The following BAZ2A variants were observed in gnomAD, a reference collection of about 807,000 sequenced individuals.
The protein encoded by BAZ2A is bromodomain adjacent to zinc finger domain protein 2A.
In BAZ2A, 34 loss-of-function variants were observed where a neutral mutation model predicts 199.9. That is an observed-to-expected ratio of 0.17 (90% CI 0.13 to 0.23). The LOEUF (loss-of-function observed/expected upper bound fraction) is 0.23. BAZ2A is among the 10% of genes least tolerant of loss of function. The pLI, the probability that BAZ2A is intolerant of heterozygous loss-of-function variation, is 1.00. For missense variants in BAZ2A, 2,002 were observed against 2,391.1 expected (o/e 0.84, Z 3.39); for synonymous variants, 857 against 883.9 (o/e 0.97, Z 0.54).
chr12:56,620,847 C>T (rs963750938), intron 1 of BAZ2A, among the ~76,000 whole-genome samples: 3 of 152,162 alleles, frequency 2.0e-5, no homozygotes, highest in African/African-American at 7.2e-5. Context: ...AGCCATGAGC[C>T]ACTGCGCCCA....
At chr12:56,613,929 A>C in intron 4 of BAZ2A, 24 bp downstream of exon 4, 1 of 1,605,478 alleles carries the variant, frequency 6.2e-7, no homozygotes, top group Non-Finnish European at 8.5e-7. Flanking sequence ...GGATAAGTTA[A>C]AGGGACATAG....
upstream of BAZ2A, chr12:56,630,364 G>A: frequency 1.3e-6 from 1 of 781,636 alleles, no homozygotes; most frequent in Non-Finnish European, 1.6e-6. Context: ...CCTCGGCCGG[G>A]AGAGAGTCTC....
At chr12:56,625,568 G>A (rs1002114072) in intron 1 of BAZ2A, among the ~76,000 whole-genome samples, 1 of 152,040 alleles carries the variant, frequency 6.6e-6, no homozygotes, top group African/African-American at 2.4e-5. Flanking sequence ...AACCTCAAAA[G>A]ACTAAAAGTA....
intron 17 of BAZ2A, 50 bp from the exon 18 acceptor site, chr12:56,603,468 G>C: frequency 6.2e-7 from 1 of 1,613,864 alleles, no homozygotes; most frequent in Non-Finnish European, 8.5e-7. Flanking sequence ...TCAGATTCAA[G>C]AAAGAGGAAT....
At chr12:56,638,188 A>G, upstream of BAZ2A, 1 of 706,176 alleles carries the variant, frequency 1.4e-6, no homozygotes, top group Non-Finnish European at 2.4e-6. Flanking sequence ...TGAGGGGTGT[A>G]CATTTTATTG....
intron 14 of BAZ2A, 103 bp downstream of exon 14, chr12:56,604,970 G>T: frequency 6.9e-7 from 1 of 1,447,390 alleles, no homozygotes. Flanking sequence ...AAGGAGAGGA[G>T]TCAGGAAGAA....
intron 1 of BAZ2A, among the ~76,000 whole-genome samples, chr12:56,618,505 T>A (rs912919120): frequency 2.6e-5 from 4 of 152,088 alleles, no homozygotes; most frequent in Non-Finnish European, 5.9e-5. Flanking sequence ...AACTCTAACA[T>A]ATCAATCGGA....
At chr12:56,616,433 T>C (rs539134340) in intron 2 of BAZ2A, among the ~76,000 whole-genome samples, 11 of 152,240 alleles carry the variant, frequency 7.2e-5, no homozygotes, top group African/African-American at 2.6e-4. Flanking sequence ...AGAATAGAAT[T>C]TGCAGTCACC....
intron 1 of BAZ2A, among the ~76,000 whole-genome samples, chr12:56,629,045 A>C (rs1325194883): frequency 6.6e-6 from 1 of 152,092 alleles, no homozygotes; most frequent in Admixed American, 6.5e-5. Flanking sequence ...AAAAAGTCCA[A>C]CGAAAGGTCT....
Position 56,602,127 on chromosome 12 carries a change from G to A in BAZ2A, c.3490C>T (p.Pro1164Ser), listed in dbSNP as rs760639643. 1.1e-5 allele frequency: 18 copies of A among 1,593,872 alleles called. No individual in the cohort carries two copies. The highest frequency in any genetic ancestry group is 1.3e-5 in the Non-Finnish European group (15 of 1,170,002). Residue 1164 changes from proline (P) to serine (S), a missense_variant, in exon 20 of 29, where the codon CCT becomes TCT. This residue lies in a region of BAZ2A where 1,081 missense variants were observed against 1,274.7 expected (regional missense o/e 0.85). Transcript: ENST00000549884. ...LKVAAHASLN[P>S]ALFSMKMELA... The stretch of plus-strand genomic sequence containing the variant: ...TCCATCTTCATAGAGAAGAGGGCAG[G>A]GTTGAGTGACGCATGGGCTGCCACT...
chr12:56,601,412 A>C lies in BAZ2A; in HGVS notation c.4072-10T>G. ...CACTAGGTCTATTCATCTGTGAATAAAATGAGACATAAGGAAATGAGGATG... is the reference window on the plus strand; with the variant it reads ...CACTAGGTCTATTCATCTGTGAATACAATGAGACATAAGGAAATGAGGATG... On this transcript the variant is annotated splice_polypyrimidine_tract_variant and intron_variant, in intron 20 of 28. Coordinates refer to ENST00000549884, the MANE Select transcript of BAZ2A (RefSeq NM_001300905.2). 6.2e-7 allele frequency: 1 copy of C among 1,610,488 alleles called. No homozygotes were observed. The highest frequency in any genetic ancestry group is 8.5e-7 in the Non-Finnish European group (1 of 1,178,130).
Position 56,602,773 on chromosome 12 carries a change from G to C in BAZ2A, c.3364C>G (p.Arg1122Gly), listed in dbSNP as rs939618170. The C allele has an allele frequency of 6.2e-7, 1 of 1,613,798 alleles. No homozygotes were observed. Among genetic ancestry groups the C allele is most frequent in the African/African-American group, 1.3e-5 (1 of 74,924 alleles). The stretch of plus-strand genomic sequence containing the variant: ...GCCAAATACGGCAATACCCAGTAGC[G>C]ACGTCTGTAGCGGTCCTGACCCAGG... ...VSLGQDRYRR[R>G]YWVLPYLAGI... The change falls in exon 19 of 29, where the codon CGC (arginine) becomes GGC (glycine). Residue 1122 changes from arginine to glycine, a missense_variant. Arg to Gly is a moderately radical substitution (Grantham distance 125, BLOSUM62 -2). Coordinates refer to ENST00000549884, the MANE Select transcript of BAZ2A (RefSeq NM_001300905.2).
chr12:56,636,174 A>G (rs1951445667), intron 1 of BAZ2A: 2 of 1,593,970 alleles, frequency 1.3e-6, no homozygotes, highest in Non-Finnish European at 1.7e-6. Flanking sequence ...GCTGGTCCCC[A>G]TACTCACCCA....
At chr12:56,612,868 C>A (rs368796299) in intron 5 of BAZ2A, 147 bp downstream of exon 5, 3 of 869,370 alleles carry the variant, frequency 3.5e-6, no homozygotes, top group African/African-American at 1.7e-5. Flanking sequence ...GTGATCCACC[C>A]GCCTCGGCCT....
At chr12:56,638,256 T>C, upstream of BAZ2A, 1 of 1,354,720 alleles carries the variant, frequency 7.4e-7, no homozygotes, top group Non-Finnish European at 1.0e-6. Flanking sequence ...TTGTGCAGCC[T>C]ACACAGAAAA....
At chr12:56,624,877 A>G (rs1026467503) in intron 1 of BAZ2A, among the ~76,000 whole-genome samples, 3 of 152,186 alleles carry the variant, frequency 2.0e-5, no homozygotes, top group African/African-American at 7.2e-5. Flanking sequence ...GGCTATGATC[A>G]CACCACCGTT....
intron 12 of BAZ2A, 67 bp from the exon 13 acceptor site, chr12:56,606,130 G>A: frequency 4.5e-6 from 7 of 1,557,496 alleles, no homozygotes; most frequent in Non-Finnish European, 6.1e-6. Flanking sequence ...CCTGGTCCCA[G>A]TCCTCCCAAC....
Position 56,609,814 on chromosome 12 carries a change from C to A in BAZ2A, c.2014G>T (p.Gly672Cys). 1 of 1,613,890 alleles carries A rather than the reference C, an allele frequency of 6.2e-7. No homozygotes were observed. Among genetic ancestry groups the A allele is most frequent in the Non-Finnish European group, 8.5e-7 (1 of 1,179,858 alleles). Residue 672 changes from glycine to cysteine, a missense_variant, in exon 10 of 29, where the codon GGT becomes TGT. Around this residue, in one of 6 missense-constraint regions of BAZ2A, gnomAD observed 1,081 missense variants for 1,274.7 expected, o/e 0.85. Coordinates refer to ENST00000549884, the MANE Select transcript of BAZ2A (RefSeq NM_001300905.2). ...KEVPKVKRGR[G>C]RPPKVKITEL... ...GTGATTTTGACCTTAGGTGGCCGAC[C>A]TCGACCCCGTTTCACCTTGGGGACT...
chr12:56,623,425 A>C (rs1375901328), intron 1 of BAZ2A, among the ~76,000 whole-genome samples: 2 of 152,178 alleles, frequency 1.3e-5, no homozygotes, highest in African/African-American at 4.8e-5. Flanking sequence ...TCTTGGGTTC[A>C]TTCTTCTCAT....
Sources: gnomAD v4.1 joint callset for allele counts (sites outside exome capture counted in the v4.1 genomes callset) on GRCh38, gnomAD v4.1.1 for gene constraint, gnomAD v4.1.1 regional missense constraint, MANE v1.5 for transcripts, NCBI Gene and HGNC (gene_info 2026-07-23, HGNC 2026-07-21) for gene names.